SHISA9: variants seen among roughly 807,000 people sequenced by gnomAD.
SHISA9 encodes shisa family member 9.
In SHISA9, 13 loss-of-function variants were observed where a neutral mutation model predicts 38.0. The observed-to-expected ratio is 0.34, with a 90% CI of 0.22 to 0.54. The LOEUF (loss-of-function observed/expected upper bound fraction) is 0.54. SHISA9 is among the 20% of genes least tolerant of loss of function. SHISA9 has a pLI of 0.91. For missense variants in SHISA9, 538 were observed against 575.8 expected (o/e 0.93, Z 0.67); for synonymous variants, 275 against 242.0 (o/e 1.14, Z -1.27).
the SHISA9 span, among the ~76,000 whole-genome samples, chr16:13,450,259 C>T: frequency 6.6e-6 from 1 of 152,130 alleles, no homozygotes; most frequent in Admixed American, 6.5e-5. Flanking sequence ...TTAAGAACAC[C>T]TACCTCGTAG....
At chr16:13,090,079 C>G (rs1246187568) in intron 2 of SHISA9, among the ~76,000 whole-genome samples, 1 of 152,172 alleles carries the variant, frequency 6.6e-6, no homozygotes, top group Non-Finnish European at 1.5e-5. Flanking sequence ...CATTCAGGAG[C>G]AAGTTGTTCA....
intron 2 of SHISA9, among the ~76,000 whole-genome samples, chr16:13,003,519 G>C (rs2072552186): frequency 6.6e-6 from 1 of 152,190 alleles, no homozygotes; most frequent in Non-Finnish European, 1.5e-5. Flanking sequence ...TTATAGGGCA[G>C]AGGACATAAA....
intron 2 of SHISA9, among the ~76,000 whole-genome samples, chr16:13,027,997 G>T (rs996416637): frequency 6.8e-6 from 1 of 146,248 alleles, no homozygotes; most frequent in Admixed American, 6.8e-5. Flanking sequence ...AGTGTATATT[G>T]TATGATTCTA....
At chr16:12,981,516 TA>T (rs2072239884) in intron 2 of SHISA9, among the ~76,000 whole-genome samples, 2 of 152,328 alleles carry the variant, frequency 1.3e-5, no homozygotes, top group South Asian at 4.1e-4. Context: ...TCCAGTAGTT[TA>T]CCACAGGTCC....
intron 2 of SHISA9, among the ~76,000 whole-genome samples, chr16:12,929,394 G>A (rs2071434550): frequency 6.6e-6 from 1 of 152,132 alleles, no homozygotes; most frequent in Non-Finnish European, 1.5e-5. Context: ...CAATCTAAAT[G>A]CCCATCAATG....
At chr16:13,425,496 C>T in the SHISA9 span, among the ~76,000 whole-genome samples, 1,338 of 151,864 alleles carry the variant, frequency 8.8e-3, 13 homozygotes, top group African/African-American at 0.028. Context: ...CAAACAAAAA[C>T]AAAAACTAAA....
chr16:12,981,339 G>A (rs1596563142), intron 2 of SHISA9, among the ~76,000 whole-genome samples: 2 of 152,356 alleles, frequency 1.3e-5, no homozygotes, highest in Admixed American at 1.3e-4. Flanking sequence ...GGACATAGGG[G>A]CAGGCACTGT....
the SHISA9 span, among the ~76,000 whole-genome samples, chr16:13,494,040 T>G: frequency 2.8e-4 from 43 of 152,246 alleles, no homozygotes; most frequent in African/African-American, 8.4e-4. Context: ...AGTGGATGTT[T>G]ATTGGAACCT....
intron 2 of SHISA9, among the ~76,000 whole-genome samples, chr16:12,938,235 T>A (rs1445660113): frequency 6.6e-6 from 1 of 152,238 alleles, no homozygotes; most frequent in Non-Finnish European, 1.5e-5. Context: ...CAGTTCTTCA[T>A]CTTCCAGAAG....
At chr16:13,517,173 G>A in the SHISA9 span, among the ~76,000 whole-genome samples, 1 of 152,156 alleles carries the variant, frequency 6.6e-6, no homozygotes, top group East Asian at 1.9e-4. Context: ...AAAGAAAAAA[G>A]CAGAGAGTGG....
At chr16:13,308,295 G>T in the SHISA9 span, among the ~76,000 whole-genome samples, 8 of 151,826 alleles carry the variant, frequency 5.3e-5, no homozygotes, top group East Asian at 1.5e-3. Flanking sequence ...GTGTATGAGT[G>T]ACAATGTGGA....
chr16:13,259,003 A>G, the SHISA9 span, among the ~76,000 whole-genome samples: 1 of 152,172 alleles, frequency 6.6e-6, no homozygotes. Context: ...TTTCAGCATT[A>G]ACCTAAAAGT....
chr16:13,030,505 C>G (rs999638198), intron 2 of SHISA9, among the ~76,000 whole-genome samples: 4 of 152,196 alleles, frequency 2.6e-5, no homozygotes, highest in African/African-American at 9.6e-5. Flanking sequence ...TGTCTAACTT[C>G]CCCGTTCCCC....
rs1022114704 is a variant in SHISA9, at chr16:13,239,286, G to A, written c.*3877G>A. On this transcript the variant is annotated 3_prime_UTR_variant, in exon 5 of 5. Coordinates refer to ENST00000558583, the MANE Select transcript of SHISA9 (RefSeq NM_001145204.3). ...AGTCTTTGCTATTGTGAATAGTGCC[G>A]CAATAAACATACGTGTGCATGTGTC... is the stretch of plus-strand genomic sequence containing the variant. 15 of 151,318 alleles carry A rather than the reference G, an allele frequency of 9.9e-5. No homozygotes were observed. Among genetic ancestry groups the A allele is most frequent in the Non-Finnish European group, 1.5e-4 (10 of 67,920 alleles). 9.4% of individuals were successfully genotyped at this position (151,318 alleles called of 1,614,324 possible).
chr16:13,059,533 G>A (rs2073350442), intron 2 of SHISA9, among the ~76,000 whole-genome samples: 1 of 152,036 alleles, frequency 6.6e-6, no homozygotes, highest in African/African-American at 2.4e-5. Context: ...AGGTGGGGAG[G>A]GAGAGCATCA....
At chr16:12,920,179 G>A (rs1214342701) in intron 2 of SHISA9, among the ~76,000 whole-genome samples, 3 of 150,382 alleles carry the variant, frequency 2.0e-5, no homozygotes, top group African/African-American at 4.9e-5. Context: ...TCGTGGGTAC[G>A]GGGAGGGGGG....
At chr16:13,486,427 C>T in the SHISA9 span, among the ~76,000 whole-genome samples, 598 of 152,266 alleles carry the variant, frequency 3.9e-3, 6 homozygotes, top group African/African-American at 0.014. Context: ...GAAAATCCTT[C>T]GGTTTCTGTC....
intron 2 of SHISA9, among the ~76,000 whole-genome samples, chr16:13,127,097 AAG>A (rs1175277703): frequency 7.4e-6 from 1 of 135,238 alleles, no homozygotes; most frequent in East Asian, 2.6e-4. Flanking sequence ...GAGGGAAGGA[AAG>A]AGAGAGAGAC....
the SHISA9 span, among the ~76,000 whole-genome samples, chr16:13,277,074 C>G: frequency 6.6e-6 from 1 of 152,108 alleles, no homozygotes; most frequent in African/African-American, 2.4e-5. Flanking sequence ...CTTAATCCAT[C>G]TTGTGTTGAT....
Sources: allele counts gnomAD v4.1 joint callset (sites outside exome capture counted in the v4.1 genomes callset), GRCh38; gene constraint gnomAD v4.1.1; transcripts MANE v1.5; gene names NCBI Gene and HGNC (gene_info 2026-07-23, HGNC 2026-07-21).